Variants in ELOVL6 observed in about 807,000 individuals in gnomAD.
The protein encoded by ELOVL6 is ELOVL fatty acid elongase 6, also known as very long chain fatty acid elongase 6.
In ELOVL6, 8 loss-of-function variants were observed where a neutral mutation model predicts 31.7. The observed-to-expected ratio is 0.25, with a 90% CI of 0.15 to 0.45. ELOVL6 has a LOEUF of 0.45. ELOVL6 is among the 20% of genes least tolerant of loss of function. The pLI, the probability that ELOVL6 is intolerant of heterozygous loss-of-function variation, is 1.00. For synonymous variants in ELOVL6, 101 were observed against 117.7 expected (o/e 0.86, Z 0.92); for missense variants, 126 against 326.4 (o/e 0.39, Z 4.73).
At chr4:110,149,487 T>C (rs1243535956) in intron 1 of ELOVL6, among the ~76,000 whole-genome samples, 2 of 152,212 alleles carry the variant, frequency 1.3e-5, no homozygotes, top group African/African-American at 2.4e-5. Flanking sequence ...GCAACATGTA[T>C]AGAACCGGAG....
intron 1 of ELOVL6, among the ~76,000 whole-genome samples, chr4:110,193,624 TA>T (rs1553963568): frequency 6.6e-6 from 1 of 151,998 alleles, no homozygotes; most frequent in Non-Finnish European, 1.5e-5. Context: ...CAAAATAAAA[TA>T]AAATGTTTCA....
At chr4:110,125,065 G>T (rs1391580432) in intron 1 of ELOVL6, among the ~76,000 whole-genome samples, 1 of 152,022 alleles carries the variant, frequency 6.6e-6, no homozygotes. Flanking sequence ...TGAAAAGAAG[G>T]CAAATGAAAT....
intron 3 of ELOVL6, among the ~76,000 whole-genome samples, chr4:110,058,011 A>G (rs544719126): frequency 1.3e-5 from 2 of 152,290 alleles, no homozygotes; most frequent in African/African-American, 4.8e-5. Context: ...AAATTCCCAG[A>G]AATACCTCTT....
At chr4:110,152,685 C>A (rs1479910998) in intron 1 of ELOVL6, among the ~76,000 whole-genome samples, 1 of 152,158 alleles carries the variant, frequency 6.6e-6, no homozygotes, top group Non-Finnish European at 1.5e-5. Context: ...GCAAGCTCTG[C>A]AGTGATGCTG....
chr4:110,065,982 A>G (rs1755288000), intron 2 of ELOVL6, among the ~76,000 whole-genome samples: 1 of 152,138 alleles, frequency 6.6e-6, no homozygotes. Flanking sequence ...CTAACCACCA[A>G]CCAATCTCCA....
chr4:110,061,110 G>C (rs540272039), intron 2 of ELOVL6, among the ~76,000 whole-genome samples: 1 of 152,260 alleles, frequency 6.6e-6, no homozygotes, highest in Non-Finnish European at 1.5e-5. Flanking sequence ...GTCCTGCAGA[G>C]GATTACTGTC....
At chr4:110,144,687 T>G (rs192582143) in intron 1 of ELOVL6, among the ~76,000 whole-genome samples, 2 of 152,288 alleles carry the variant, frequency 1.3e-5, no homozygotes, top group Non-Finnish European at 2.9e-5. Context: ...TGTCTCCTCC[T>G]TGGGTGCTAT....
Position 110,170,899 on chromosome 4 carries a change from G to T in ELOVL6, c.89+27348C>A, listed in dbSNP as rs995364282. 2.0e-5 allele frequency among the ~76,000 whole-genome samples: 3 copies of T among 152,082 alleles called. No homozygotes were observed. The South Asian group carries it at 6.2e-4, about 32-fold the overall frequency. On this transcript the variant is annotated intron_variant, in intron 1 of 3. Transcript: ENST00000302274. ...TGGGGCACTTTAGGCCCAGAAAAAG[G>T]CCTCAAAAAATGGAATCTCTCTCTC... is the stretch of plus-strand genomic sequence containing the variant.
intron 1 of ELOVL6, among the ~76,000 whole-genome samples, chr4:110,106,096 C>G (rs1756882753): frequency 6.6e-6 from 1 of 152,150 alleles, no homozygotes; most frequent in Non-Finnish European, 1.5e-5. Flanking sequence ...GTGGCTCACA[C>G]CTGTTATCCC....
chr4:110,053,217 C>T (rs982708047), intron 3 of ELOVL6, among the ~76,000 whole-genome samples: 15 of 152,186 alleles, frequency 9.9e-5, no homozygotes, highest in African/African-American at 2.2e-4. Context: ...CCTGAGAACC[C>T]GGCCCTGGTT....
chr4:110,181,581 T>G (rs1467513944), intron 1 of ELOVL6, among the ~76,000 whole-genome samples: 1 of 150,536 alleles, frequency 6.6e-6, no homozygotes, highest in Non-Finnish European at 1.5e-5. Context: ...GCCAACTTCC[T>G]AGATCCTAGT....
At chr4:110,141,842 CACAAT>C (rs915002953) in intron 1 of ELOVL6, among the ~76,000 whole-genome samples, 10 of 99,156 alleles carry the variant, frequency 1.0e-4, no homozygotes, top group African/African-American at 2.5e-4. Context: ...TATACACTAA[CACAAT>C]ACAATTAGTA....
At chr4:110,077,293 C>G (rs1306537291) in intron 2 of ELOVL6, among the ~76,000 whole-genome samples, 1 of 152,220 alleles carries the variant, frequency 6.6e-6, no homozygotes, top group Admixed American at 6.5e-5. Flanking sequence ...ACTGTCTCCT[C>G]AAGTGGGTCC....
chr4:110,176,150 C>T (rs1287938155), intron 1 of ELOVL6, among the ~76,000 whole-genome samples: 2 of 110,742 alleles, frequency 1.8e-5, no homozygotes, highest in African/African-American at 5.4e-5. Flanking sequence ...AATGTTTCTA[C>T]CTTATTTATT....
At chr4:110,116,664 T>C (rs959376170) in intron 1 of ELOVL6, among the ~76,000 whole-genome samples, 1 of 152,252 alleles carries the variant, frequency 6.6e-6, no homozygotes, top group South Asian at 2.1e-4. Context: ...CAAAGGTTAC[T>C]TGGTTTGTAA....
At chr4:110,056,741 G>A (rs181138095) in intron 3 of ELOVL6, among the ~76,000 whole-genome samples, 6 of 152,206 alleles carry the variant, frequency 3.9e-5, no homozygotes, top group African/African-American at 1.4e-4. Context: ...TGTGATGAAT[G>A]AGCCCTTTCC....
chr4:110,198,595 T>C lies in ELOVL6; in HGVS notation c.-260A>G. 3 of 432,670 alleles carry C rather than the reference T, an allele frequency of 6.9e-6. No homozygotes were observed. The highest frequency in any genetic ancestry group is 1.2e-5 in the Non-Finnish European group (3 of 242,820). The allele number at this position is 432,670 out of a possible 1,614,324, so 26.8% of individuals were successfully genotyped here. ...CGTCCGCATCCACCGTAGGAGGAAA[T>C]GAATGCCTTGCGGTCTTAGTGCCCG... On this transcript the variant is annotated 5_prime_UTR_variant, in exon 1 of 4. Transcript: ENST00000302274.
At chr4:110,192,619 C>T (rs536079456) in intron 1 of ELOVL6, among the ~76,000 whole-genome samples, 1 of 152,260 alleles carries the variant, frequency 6.6e-6, no homozygotes, top group South Asian at 2.1e-4. Context: ...ATTAAGCTGG[C>T]TTTCATCCTT....
At chr4:110,175,840 T>C (rs996285022) in intron 1 of ELOVL6, among the ~76,000 whole-genome samples, 2 of 152,224 alleles carry the variant, frequency 1.3e-5, no homozygotes, top group African/African-American at 4.8e-5. Flanking sequence ...ATGTGCTGAG[T>C]AACTGATGAT....
Sources: allele counts gnomAD v4.1 joint callset (sites outside exome capture counted in the v4.1 genomes callset), GRCh38; gene constraint gnomAD v4.1.1; transcripts MANE v1.5; gene names NCBI Gene and HGNC (gene_info 2026-07-23, HGNC 2026-07-21).